ZNF385D: variants seen among roughly 807,000 people sequenced by gnomAD.
ZNF385D encodes zinc finger protein 385D, also known as zinc finger protein 659.
In ZNF385D, 15 loss-of-function variants were observed where a neutral mutation model predicts 35.8. The observed-to-expected ratio is 0.42, with a 90% CI of 0.28 to 0.64. The LOEUF (loss-of-function observed/expected upper bound fraction) is 0.64. ZNF385D is among the 30% of genes least tolerant of loss of function. The pLI is 0.23. For synonymous variants in ZNF385D, 212 were observed against 186.8 expected (o/e 1.13, Z -1.10); for missense variants, 474 against 494.6 (o/e 0.96, Z 0.39).
At chr3:21,692,238 G>C (rs964337907) in intron 1 of ZNF385D, among the ~76,000 whole-genome samples, 2 of 152,140 alleles carry the variant, frequency 1.3e-5, no homozygotes, top group African/African-American at 4.8e-5. Context: ...TAAGGAACTT[G>C]TTCATATTCA....
At chr3:21,517,391 A>T (rs1291457922) in intron 3 of ZNF385D, among the ~76,000 whole-genome samples, 1 of 152,142 alleles carries the variant, frequency 6.6e-6, no homozygotes, top group Non-Finnish European at 1.5e-5. Context: ...CCTGCTGGTG[A>T]GAATGCTGAG....
intron 3 of ZNF385D, among the ~76,000 whole-genome samples, chr3:21,911,928 T>A (rs956028453): frequency 6.6e-6 from 1 of 151,854 alleles, no homozygotes. Flanking sequence ...TATTAATATA[T>A]CAAACTAAAA....
intron 3 of ZNF385D, among the ~76,000 whole-genome samples, chr3:22,136,002 T>C (rs1443525257): frequency 1.3e-5 from 2 of 152,256 alleles, no homozygotes; most frequent in East Asian, 3.9e-4. Context: ...GACATAAATA[T>C]GCTACAAAAT....
At chr3:22,181,378 C>T (rs1390062255) in intron 2 of ZNF385D, among the ~76,000 whole-genome samples, 1 of 152,004 alleles carries the variant, frequency 6.6e-6, no homozygotes, top group Non-Finnish European at 1.5e-5. Context: ...AGGGTAGAAC[C>T]TGTAACTAGC....
chr3:21,954,764 C>T (rs1454561798), intron 3 of ZNF385D, among the ~76,000 whole-genome samples: 1 of 152,116 alleles, frequency 6.6e-6, no homozygotes, highest in Non-Finnish European at 1.5e-5. Flanking sequence ...ATTTCCTAAA[C>T]TTTGGAATAA....
At chr3:22,365,509 A>G (rs1287740124) in intron 2 of ZNF385D, among the ~76,000 whole-genome samples, 1 of 152,062 alleles carries the variant, frequency 6.6e-6, no homozygotes, top group African/African-American at 2.4e-5. Context: ...TTTTGTTTGC[A>G]AACAAACTTT....
chr3:21,810,972 G>C (rs968765513), intron 3 of ZNF385D, among the ~76,000 whole-genome samples: 32 of 75,962 alleles, frequency 4.2e-4, no homozygotes, highest in Middle Eastern at 6.3e-3. Context: ...GTGTGTATAC[G>C]TGTGTGTGTG....
chr3:21,758,414 G>A (rs1394597168), intron 3 of ZNF385D, among the ~76,000 whole-genome samples: 1 of 152,170 alleles, frequency 6.6e-6, no homozygotes. Context: ...ACAATGGTCA[G>A]AATTACATGT....
At chr3:21,692,440 G>C (rs1156626706) in intron 1 of ZNF385D, among the ~76,000 whole-genome samples, 5 of 152,026 alleles carry the variant, frequency 3.3e-5, no homozygotes, top group Admixed American at 2.0e-4. Flanking sequence ...GCTCAGTTCT[G>C]TCCAACCTCA....
Position 21,751,152 on chromosome 3 carries a change from C to A in ZNF385D, c.-236G>T. On this transcript the variant is annotated 5_prime_UTR_variant, in exon 1 of 8. Coordinates refer to ENST00000281523, the MANE Select transcript of ZNF385D (RefSeq NM_024697.3). ...TCGGGCTGCCTGCTGCACTGCCCAT[C>A]CTTACTGTAATCCGACTCCTCCTTG... 7.0e-7 allele frequency: 1 copy of A among 1,433,710 alleles called. No homozygotes were observed. Among genetic ancestry groups the A allele is most frequent in the Non-Finnish European group, 9.1e-7 (1 of 1,095,792 alleles). The allele number at this position is 1,433,710 out of a possible 1,614,324, so 88.8% of individuals were successfully genotyped here.
At position 22,145,868 on chromosome 3, in the gene ZNF385D, G is replaced by A. The variant is rs1399128225; in HGVS notation, c.325+22949C>T. 3.9e-5 allele frequency among the ~76,000 whole-genome samples: 6 copies of A among 152,100 alleles called. No individual in the cohort carries two copies. The East Asian group carries it at 1.2e-3, about 29-fold the overall frequency. On this transcript the variant is annotated intron_variant, in intron 3 of 5. Coordinates refer to the ZNF385D transcript ENST00000494108. Reference sequence around the variant, plus strand: ...TGGCCACTAATCCAAATCAACATGAGGGTTCCCAAACCTCCAAGTAGTTGG... The same window carrying A: ...TGGCCACTAATCCAAATCAACATGAAGGTTCCCAAACCTCCAAGTAGTTGG...
At chr3:21,477,207 G>A (rs1335773384) in intron 4 of ZNF385D, among the ~76,000 whole-genome samples, 2 of 151,980 alleles carry the variant, frequency 1.3e-5, no homozygotes, top group African/African-American at 4.8e-5. Context: ...GCCTGGTTGA[G>A]GTTTCTATAG....
intron 3 of ZNF385D, chr3:21,878,176 C>A (rs960392432): frequency 1.3e-5 from 2 of 151,954 alleles, no homozygotes; most frequent in Non-Finnish European, 2.9e-5. Flanking sequence ...GATATTATTA[C>A]TACGTCTTAC....
intron 3 of ZNF385D, among the ~76,000 whole-genome samples, chr3:21,967,018 ATAAAT>A (rs1321669122): frequency 3.3e-5 from 5 of 152,244 alleles, no homozygotes; most frequent in Non-Finnish European, 5.9e-5. Context: ...AAGAACACAC[ATAAAT>A]TAAAATCTGT....
At chr3:21,620,868 C>T (rs2064985879) in intron 2 of ZNF385D, among the ~76,000 whole-genome samples, 1 of 152,130 alleles carries the variant, frequency 6.6e-6, no homozygotes, top group Admixed American at 6.5e-5. Flanking sequence ...ACATGCAAAC[C>T]ACTAATGCTG....
intron 4 of ZNF385D, 137 bp downstream of exon 4, chr3:21,510,724 A>G (rs1707139322): frequency 8.8e-7 from 1 of 1,141,242 alleles, no homozygotes. Context: ...AGAGGAAACA[A>G]TTACCATTAT....
chr3:22,338,860 C>G (rs565977978), intron 2 of ZNF385D, among the ~76,000 whole-genome samples: 92 of 151,956 alleles, frequency 6.1e-4, no homozygotes, highest in Non-Finnish European at 1.1e-3. Flanking sequence ...GCCACCACAC[C>G]TAGCTAATTT....
At chr3:22,260,800 G>T (rs1057190550) in intron 2 of ZNF385D, among the ~76,000 whole-genome samples, 4 of 151,918 alleles carry the variant, frequency 2.6e-5, no homozygotes, top group Admixed American at 6.6e-5. Flanking sequence ...TGATATTCCT[G>T]TAACTATTTA....
chr3:22,204,340 T>G (rs1381637828), intron 2 of ZNF385D, among the ~76,000 whole-genome samples: 1 of 152,008 alleles, frequency 6.6e-6, no homozygotes, highest in Non-Finnish European at 1.5e-5. Flanking sequence ...AGAACTTGTA[T>G]GATAAAAGAC....
Sources: gnomAD v4.1 joint callset for allele counts (sites outside exome capture counted in the v4.1 genomes callset) on GRCh38, gnomAD v4.1.1 for gene constraint, MANE v1.5 for transcripts, NCBI Gene and HGNC (gene_info 2026-07-23, HGNC 2026-07-21) for gene names.